The following AR variants were observed in gnomAD, a reference collection of about 807,000 sequenced individuals.
AR encodes dihydrotestosterone receptor.
A neutral mutation model predicts 53.9 loss-of-function variants in AR; 8 were observed. The ratio of observed to expected loss-of-function variants is 0.15; its 90% CI spans 0.09 to 0.27. The LOEUF is 0.27. AR is among the 10% of genes least tolerant of loss of function. AR has a pLI of 1.00. For synonymous variants in AR, 359 were observed against 316.4 expected, an observed-to-expected ratio of 1.13 and a Z score of -1.43; for missense variants, 639 against 742.5, an observed-to-expected ratio of 0.86 and a Z score of 1.62.
At chrX:67,623,886 A>G (rs1408019995) in intron 1 of AR, among the ~76,000 whole-genome samples, 1 of 111,556 alleles carries the variant, frequency 9.0e-6, no homozygotes, top group Non-Finnish European at 1.9e-5. Flanking sequence ...ACAACTATAA[A>G]AAAGCTACCT....
At position 67,729,540 on chromosome X, in the gene AR, A is replaced by C; in HGVS notation, c.*5699A>C. 1 of 173,434 alleles carries C rather than the reference A, an allele frequency of 5.8e-6. No individual in the cohort carries two copies. The highest frequency in any genetic ancestry group is 1.1e-5 in the Non-Finnish European group (1 of 91,052). The allele number at this position is 173,434 out of a possible 1,213,427, so 14.3% of individuals were successfully genotyped here. ...TTTGGCCAGAAAGTAGGTAATATGC[A>C]TTGATTGGCTTCTGATTCCAATTCA... On this transcript the variant is annotated 3_prime_UTR_variant, in exon 8 of 8. Transcript: ENST00000374690.
chrX:67,576,446 AAAAG>A (rs1045339909), intron 1 of AR, among the ~76,000 whole-genome samples: 4 of 111,064 alleles, frequency 3.6e-5, no homozygotes, highest in African/African-American at 1.3e-4. Context: ...TGGACAAAAA[AAAAG>A]AGAGAGAGAG....
intron 2 of AR, among the ~76,000 whole-genome samples, chrX:67,658,074 G>A (rs904515138): frequency 1.8e-5 from 2 of 111,859 alleles, no homozygotes. Flanking sequence ...GAATTGTTTT[G>A]GAAGGCTTTG....
chrX:67,567,410 G>A (rs1437069839), intron 1 of AR, among the ~76,000 whole-genome samples: 9 of 111,373 alleles, frequency 8.1e-5, no homozygotes, highest in Non-Finnish European at 1.5e-4. Context: ...GGGTGATGAG[G>A]AAAGGCTTTC....
intron 2 of AR, among the ~76,000 whole-genome samples, chrX:67,653,709 G>C (rs1926456794): frequency 2.7e-5 from 3 of 110,947 alleles, no homozygotes; most frequent in South Asian, 7.7e-4. Context: ...TGGTGTCTGG[G>C]ATTTTCGGAA....
At chrX:67,704,048 A>C (rs931853885) in intron 3 of AR, among the ~76,000 whole-genome samples, 2 of 111,920 alleles carry the variant, frequency 1.8e-5, no homozygotes, top group Non-Finnish European at 3.8e-5. Flanking sequence ...TCTATCATTG[A>C]TGGACATTTG....
intron 5 of AR, among the ~76,000 whole-genome samples, chrX:67,718,193 G>C (rs1343756254): frequency 9.0e-6 from 1 of 111,639 alleles, no homozygotes; most frequent in Non-Finnish European, 1.9e-5. Flanking sequence ...GTGCCTGTTG[G>C]AGACAAGATT....
chrX:67,662,745 T>A (rs1927005492), intron 2 of AR, among the ~76,000 whole-genome samples: 1 of 111,146 alleles, frequency 9.0e-6, no homozygotes, highest in South Asian at 3.8e-4. Flanking sequence ...CCCATTATTA[T>A]TGTGTGGGAG....
chrX:67,702,078 G>A (rs1392576528), intron 3 of AR, among the ~76,000 whole-genome samples: 1 of 111,580 alleles, frequency 9.0e-6, no homozygotes, highest in Non-Finnish European at 1.9e-5. Flanking sequence ...AGAAGATGAG[G>A]TTCAGATGAT....
chrX:67,572,143 A>T (rs1921843910), intron 1 of AR, among the ~76,000 whole-genome samples: 1 of 111,845 alleles, frequency 8.9e-6, no homozygotes, highest in Non-Finnish European at 1.9e-5. Context: ...TTTTTCATAT[A>T]GTAAAATTTA....
chrX:67,666,664 AC>A (rs1927279343), intron 2 of AR, among the ~76,000 whole-genome samples: 1 of 111,567 alleles, frequency 9.0e-6, no homozygotes, highest in Non-Finnish European at 1.9e-5. Flanking sequence ...TTACTGACTT[AC>A]ATATCCACCA....
chrX:67,662,241 A>T (rs1926968358), intron 2 of AR, among the ~76,000 whole-genome samples: 1 of 110,955 alleles, frequency 9.0e-6, no homozygotes, highest in Non-Finnish European at 1.9e-5. Context: ...TAGCTTTTGA[A>T]TGTGTTTGCC....
intron 3 of AR, among the ~76,000 whole-genome samples, chrX:67,697,178 G>T (rs1263112850): frequency 9.0e-6 from 1 of 111,496 alleles, no homozygotes; most frequent in Non-Finnish European, 1.9e-5. Flanking sequence ...CCCCTCTCAG[G>T]AACCCTCGAA....
intron 1 of AR, among the ~76,000 whole-genome samples, chrX:67,637,180 T>G (rs998011861): frequency 1.8e-5 from 2 of 110,154 alleles, no homozygotes; most frequent in African/African-American, 6.6e-5. Context: ...TTTTTTTTTA[T>G]TTTATTATTA....
chrX:67,721,114 T>C (rs1227643025), intron 5 of AR, among the ~76,000 whole-genome samples: 1 of 111,617 alleles, frequency 9.0e-6, no homozygotes, highest in Non-Finnish European at 1.9e-5. Context: ...AACTCACATA[T>C]GTCTACAGTT....
chrX:67,633,410 A>C (rs1214124386), intron 1 of AR, among the ~76,000 whole-genome samples: 1 of 111,709 alleles, frequency 9.0e-6, no homozygotes, highest in Non-Finnish European at 1.9e-5. Flanking sequence ...TTCCTGCTTT[A>C]GTTTGCTTAG....
At chrX:67,707,498 C>A (rs990257818) in intron 3 of AR, among the ~76,000 whole-genome samples, 1 of 111,479 alleles carries the variant, frequency 9.0e-6, no homozygotes, top group Non-Finnish European at 1.9e-5. Flanking sequence ...CTTGGTAGAT[C>A]TTCCTCCATC....
At chrX:67,567,163 C>T (rs1046951245) in intron 1 of AR, among the ~76,000 whole-genome samples, 5 of 111,349 alleles carry the variant, frequency 4.5e-5, no homozygotes, top group African/African-American at 1.3e-4. Context: ...TCTTCTCTAG[C>T]GTCCTCTTAA....
chrX:67,546,208 C>G lies in AR; in HGVS notation c.1062C>G (p.Asp354Glu), dbSNP rs759716252. 1.6e-5 allele frequency: 19 copies of G among 1,211,760 alleles called. No individual in the cohort carries two copies. In the Admixed American group the frequency reaches 3.3e-4, roughly 21 times the overall value. The stretch of plus-strand genomic sequence containing the variant: ...CTCTCTACAAGTCCGGAGCACTGGA[C>G]GAGGCAGCTGCGTACCAGAGTCGCG... ...TLSLYKSGAL[D>E]EAAAYQSRDY... Residue 354 changes from aspartate (D) to glutamate (E), a missense_variant, in exon 1 of 8, where the codon GAC becomes GAG. Asp to Glu is a conservative substitution (Grantham distance 45). This residue lies in a region of AR where 423 missense variants were observed against 377.0 expected (regional missense o/e 1.12). Transcript: ENST00000374690.
Sources: allele counts gnomAD v4.1 joint callset (sites outside exome capture counted in the v4.1 genomes callset), GRCh38; gene constraint gnomAD v4.1.1; regional missense constraint gnomAD v4.1.1; transcripts MANE v1.5; gene names NCBI Gene and HGNC (gene_info 2026-07-23, HGNC 2026-07-21).